Variants in ZBTB7C observed in about 807,000 individuals in gnomAD.
ZBTB7C encodes zinc finger and BTB domain-containing protein 7C.
Under a neutral mutation model 25.7 loss-of-function variants are expected in ZBTB7C, and 8 were observed. The observed-to-expected ratio is 0.31, with a 90% CI of 0.18 to 0.56. The LOEUF is 0.56. Among genes scored for constraint, ZBTB7C ranks in the 20% least tolerant of loss-of-function variants. The pLI, the probability that ZBTB7C is intolerant of heterozygous loss-of-function variation, is 0.91. For missense variants in ZBTB7C, 824 were observed against 855.2 expected (o/e 0.96, Z 0.46); for synonymous variants, 394 against 369.0 (o/e 1.07, Z -0.78).
intron 2 of ZBTB7C, among the ~76,000 whole-genome samples, chr18:48,303,920 T>C (rs1371962025): frequency 2.0e-5 from 3 of 152,198 alleles, no homozygotes; most frequent in African/African-American, 7.2e-5. Flanking sequence ...TAGCAAGGCT[T>C]TACTCTGTGC....
chr18:48,039,769 G>T, intron 4 of ZBTB7C, 131 bp downstream of exon 4: 2 of 950,524 alleles, frequency 2.1e-6, no homozygotes, highest in African/African-American at 1.6e-5. Flanking sequence ...TAGCACCCCT[G>T]CTAGCCACGA....
chr18:48,123,956 G>A (rs1358820299), intron 3 of ZBTB7C, among the ~76,000 whole-genome samples: 1 of 152,212 alleles, frequency 6.6e-6, no homozygotes, highest in East Asian at 1.9e-4. Flanking sequence ...AAGAGGTGAT[G>A]TAGCCTGGGG....
chr18:48,087,724 G>A (rs1157597862), intron 3 of ZBTB7C: 1 of 152,126 alleles, frequency 6.6e-6, no homozygotes, highest in Non-Finnish European at 1.5e-5. Context: ...GAGCCCAAGA[G>A]TTTGAGGCTG....
intron 2 of ZBTB7C, among the ~76,000 whole-genome samples, chr18:48,315,249 A>G (rs1423089322): frequency 6.6e-6 from 1 of 152,202 alleles, no homozygotes; most frequent in Admixed American, 6.5e-5. Context: ...TGCTGGGGGT[A>G]AATTGGCAAA....
Position 48,188,962 on chromosome 18 carries a change from G to C in ZBTB7C, c.-78-2967C>G, listed in dbSNP as rs535355905. Reference sequence around the variant, plus strand: ...ACAGCCCGTAATCAATCACTTCTTAGGTACTATCTCATGTTCTTGTCTGAA... The same window carrying C: ...ACAGCCCGTAATCAATCACTTCTTACGTACTATCTCATGTTCTTGTCTGAA... On this transcript the variant is annotated intron_variant, in intron 2 of 4. Coordinates refer to ENST00000590800, the MANE Select transcript of ZBTB7C (RefSeq NM_001318841.2). 3.9e-5 allele frequency among the ~76,000 whole-genome samples: 6 copies of C among 152,248 alleles called. 1 individual carries two copies. Among genetic ancestry groups the C allele is most frequent in the African/African-American group, 1.4e-4 (6 of 41,538 alleles).
chr18:48,135,258 A>C (rs1165086175), intron 3 of ZBTB7C, among the ~76,000 whole-genome samples: 1 of 152,220 alleles, frequency 6.6e-6, no homozygotes, highest in African/African-American at 2.4e-5. Context: ...CGTTGAATAA[A>C]TGACTGATTG....
intron 2 of ZBTB7C, among the ~76,000 whole-genome samples, chr18:48,196,103 G>A (rs578228327): frequency 1.3e-5 from 2 of 152,200 alleles, no homozygotes; most frequent in South Asian, 2.1e-4. Context: ...GGAGAAAGCT[G>A]GTAAATTTGG....
At chr18:48,158,498 C>G (rs961953508) in intron 3 of ZBTB7C, among the ~76,000 whole-genome samples, 13 of 151,146 alleles carry the variant, frequency 8.6e-5, no homozygotes, top group Admixed American at 1.3e-4. Flanking sequence ...TTCTCCTCAG[C>G]AAAATGAGGG....
In ZBTB7C at chr18:48,067,721, G is replaced by A. The variant is rs887471829; in HGVS notation, c.-16-26598C>T. On this transcript the variant is annotated intron_variant, in intron 3 of 4. Coordinates refer to ENST00000590800, the MANE Select transcript of ZBTB7C (RefSeq NM_001318841.2). ...TTCTGTAAAATAAATCTCTCTCTCA[G>A]TTGGGCATGGTGGCTCATGCCTGCA... 2.0e-5 allele frequency among the ~76,000 whole-genome samples: 3 copies of A among 152,314 alleles called. No individual in the cohort carries two copies. In the East Asian group the frequency reaches 5.8e-4, roughly 29 times the overall value.
chr18:48,101,473 A>G (rs761391366), intron 3 of ZBTB7C, among the ~76,000 whole-genome samples: 1 of 152,212 alleles, frequency 6.6e-6, no homozygotes, highest in Non-Finnish European at 1.5e-5. Flanking sequence ...GACATTTGAT[A>G]TTGCTTTTTT....
rs559958758 is a variant in ZBTB7C, at chr18:48,029,367, C to T, written c.1753G>A (p.Ala585Thr). The T allele has an allele frequency of 1.2e-4, 179 of 1,548,782 alleles. 1 individual carries two copies. Among genetic ancestry groups the T allele is most frequent in the Non-Finnish European group, 5.0e-5 (57 of 1,151,480 alleles). Residue 585 changes from alanine to threonine, a missense_variant, in exon 5 of 5, where the codon GCG (alanine) becomes ACG (threonine). Transcript: ENST00000590800. ...AFALAENVAA[A>T]RPYFPLPDPW... ...TCGGGCAGCGGGAAGTAGGGCCGCG[C>T]CGCCGCCACGTTCTCGGCCAGCGCG...
At chr18:48,140,796 C>A (rs753991787) in intron 3 of ZBTB7C, among the ~76,000 whole-genome samples, 1 of 152,142 alleles carries the variant, frequency 6.6e-6, no homozygotes, top group South Asian at 2.1e-4. Flanking sequence ...TCCTGGCCCC[C>A]ACCCGCGCCC....
chr18:48,151,686 A>G (rs1381407960), intron 3 of ZBTB7C, among the ~76,000 whole-genome samples: 1 of 152,182 alleles, frequency 6.6e-6, no homozygotes, highest in Non-Finnish European at 1.5e-5. Flanking sequence ...CCAATCAGAC[A>G]GGAGGGAAAA....
chr18:48,256,533 T>C (rs1036462367), intron 2 of ZBTB7C, among the ~76,000 whole-genome samples: 2 of 151,432 alleles, frequency 1.3e-5, no homozygotes, highest in Admixed American at 1.3e-4. Context: ...AGGACATTCT[T>C]CAAGCACAAT....
chr18:48,167,826 TAA>T (rs1162201313), intron 3 of ZBTB7C, among the ~76,000 whole-genome samples: 1 of 152,246 alleles, frequency 6.6e-6, no homozygotes, highest in Non-Finnish European at 1.5e-5. Context: ...ACAGAGCTTA[TAA>T]AATTACACAG....
intron 1 of ZBTB7C, among the ~76,000 whole-genome samples, chr18:48,343,790 C>T (rs994563253): frequency 6.6e-6 from 1 of 152,048 alleles, no homozygotes; most frequent in Non-Finnish European, 1.5e-5. Context: ...TTAACAGGCC[C>T]CCTCCTCTCT....
intron 3 of ZBTB7C, among the ~76,000 whole-genome samples, chr18:48,058,225 A>G (rs192437988): frequency 1.6e-4 from 25 of 152,326 alleles, no homozygotes; most frequent in African/African-American, 5.3e-4. Flanking sequence ...TTTTAAACAT[A>G]TGGCCAATGA....
intron 3 of ZBTB7C, among the ~76,000 whole-genome samples, chr18:48,074,545 C>A (rs370699804): frequency 6.6e-6 from 1 of 152,238 alleles, no homozygotes; most frequent in Admixed American, 6.5e-5. Flanking sequence ...AGCTCAGAAC[C>A]GCACAGCCCT....
At chr18:48,137,978 C>T (rs894297183) in intron 3 of ZBTB7C, among the ~76,000 whole-genome samples, 10 of 152,268 alleles carry the variant, frequency 6.6e-5, no homozygotes, top group African/African-American at 2.4e-4. Context: ...CTCTTTTACC[C>T]TGGAACTGAC....
Sources: gnomAD v4.1 joint callset for allele counts (sites outside exome capture counted in the v4.1 genomes callset) on GRCh38, gnomAD v4.1.1 for gene constraint, MANE v1.5 for transcripts, NCBI Gene and HGNC (gene_info 2026-07-23, HGNC 2026-07-21) for gene names.